BID: variants seen among roughly 807,000 people sequenced by gnomAD.
BID encodes BH3-interacting domain death agonist.
Under a neutral mutation model 17.4 loss-of-function variants are expected in BID, and 19 were observed. The observed-to-expected ratio is 1.09, with a 90% CI of 0.76 to 1.60. BID has a LOEUF of 1.60. Ranked by LOEUF, BID falls within the 40% of genes most tolerant of loss-of-function variation. The pLI is 0.00. For synonymous variants in BID, 108 were observed against 102.8 expected (o/e 1.05, Z -0.31); for missense variants, 226 against 256.0 (o/e 0.88, Z 0.80).
intron 1 of BID, among the ~76,000 whole-genome samples, chr22:17,762,222 C>T (rs1022264962): frequency 6.6e-6 from 1 of 152,100 alleles, no homozygotes; most frequent in Non-Finnish European, 1.5e-5. Context: ...GTTGGCCAGG[C>T]GAGGTGGCTC....
chr22:17,743,529 C>T (rs1421717414), intron 3 of BID, among the ~76,000 whole-genome samples: 1 of 152,204 alleles, frequency 6.6e-6, no homozygotes, highest in African/African-American at 2.4e-5. Context: ...TTGGTCCAGA[C>T]AAGGGACTCA....
chr22:17,741,989 G>A (rs967963135), intron 3 of BID, among the ~76,000 whole-genome samples: 13 of 152,266 alleles, frequency 8.5e-5, no homozygotes, highest in African/African-American at 2.9e-4. Flanking sequence ...GCTCGTTCCC[G>A]AAGCTTATCC....
At chr22:17,744,486 G>T (rs969358818) in intron 2 of BID, among the ~76,000 whole-genome samples, 5 of 152,226 alleles carry the variant, frequency 3.3e-5, no homozygotes, top group Non-Finnish European at 5.9e-5. Flanking sequence ...TCTCCTTCAC[G>T]GGCTCAGGAG....
chr22:17,752,810 T>C (rs1485761239), intron 1 of BID, among the ~76,000 whole-genome samples: 1 of 144,962 alleles, frequency 6.9e-6, no homozygotes, highest in Non-Finnish European at 1.5e-5. Context: ...GGACTACAGG[T>C]GCCCGCCACC....
At chr22:17,770,565 T>C (rs1006527543) in intron 1 of BID, among the ~76,000 whole-genome samples, 3 of 152,188 alleles carry the variant, frequency 2.0e-5, no homozygotes, top group Non-Finnish European at 4.4e-5. Flanking sequence ...GTTACACAAA[T>C]TAAACCAAAC....
intron 1 of BID, among the ~76,000 whole-genome samples, chr22:17,763,877 G>A (rs550349757): frequency 9.8e-4 from 146 of 148,322 alleles, no homozygotes; most frequent in Non-Finnish European, 1.7e-3. Flanking sequence ...TTTACAAGGT[G>A]AACATATATA....
intron 5 of BID, 122 bp downstream of exon 5, chr22:17,737,895 G>T: frequency 9.5e-7 from 1 of 1,054,966 alleles, no homozygotes; most frequent in Non-Finnish European, 1.4e-6. Context: ...CCAAACCCGA[G>T]CAGGACAGCC....
chr22:17,757,440 C>G (rs1186035019), intron 1 of BID, among the ~76,000 whole-genome samples: 1 of 142,366 alleles, frequency 7.0e-6, no homozygotes, highest in East Asian at 2.1e-4. Context: ...CAGGCGCAGT[C>G]GCTCATGCCT....
intron 5 of BID, 110 bp downstream of exon 5, chr22:17,737,907 G>A: frequency 8.5e-7 from 1 of 1,170,500 alleles, no homozygotes. Context: ...AGGACAGCCT[G>A]TAACCCTTGT....
rs140074113 is a variant in BID at position 17,746,209 on chromosome 22, G to T, written c.13-2196C>A. Among the ~76,000 whole-genome samples the T allele has an allele frequency of 4.1e-3, 629 of 151,846 alleles. 4 individuals carry two copies. Among genetic ancestry groups the T allele is most frequent in the African/African-American group, 0.015 (607 of 41,342 alleles). On this transcript the variant is annotated intron_variant, in intron 2 of 5. Transcript: ENST00000622694. ...CACGAAGATGGAGAGAGCAGGCACC[G>T]GGCACTTTACAGTAGGGAGGCGGGG...
At chr22:17,756,624 G>A (rs189387488) in intron 1 of BID, among the ~76,000 whole-genome samples, 29 of 146,470 alleles carry the variant, frequency 2.0e-4, no homozygotes, top group African/African-American at 6.3e-4. Flanking sequence ...TACCCAGGCC[G>A]GAGTGCAATG....
chr22:17,753,071 A>T (rs1014533140), intron 1 of BID, among the ~76,000 whole-genome samples: 3 of 138,658 alleles, frequency 2.2e-5, no homozygotes, highest in Non-Finnish European at 3.0e-5. Context: ...GGTTCACGCC[A>T]TTCTCCTGCC....
At chr22:17,772,435 A>G (rs968764598) in intron 1 of BID, among the ~76,000 whole-genome samples, 2 of 152,198 alleles carry the variant, frequency 1.3e-5, no homozygotes, top group African/African-American at 4.8e-5. Context: ...CAACGACAGG[A>G]AGCATTTCCA....
intron 3 of BID, chr22:17,739,886 A>T: frequency 1.5e-6 from 1 of 649,220 alleles, no homozygotes; most frequent in South Asian, 1.9e-5. Context: ...GGCAGACGGC[A>T]TCCCAGACCC....
intron 1 of BID, among the ~76,000 whole-genome samples, chr22:17,757,453 A>G (rs2061600272): frequency 6.7e-6 from 1 of 148,402 alleles, no homozygotes; most frequent in Admixed American, 6.8e-5. Flanking sequence ...TCATGCCTGT[A>G]ATCTCAGCAC....
chr22:17,750,777 G>A (rs1028530232), intron 1 of BID, among the ~76,000 whole-genome samples: 1 of 152,136 alleles, frequency 6.6e-6, no homozygotes, highest in Non-Finnish European at 1.5e-5. Flanking sequence ...GCAGTAAGCC[G>A]AGATCACGCC....
chr22:17,754,456 A>AG (rs1183095170), intron 1 of BID, among the ~76,000 whole-genome samples: 2 of 152,254 alleles, frequency 1.3e-5, no homozygotes, highest in African/African-American at 4.8e-5. Flanking sequence ...CTGCTGAGCC[A>AG]GGGGGCGCCA....
At chr22:17,756,451 CTTT>C (rs2061587811) in intron 1 of BID, among the ~76,000 whole-genome samples, 1 of 123,304 alleles carries the variant, frequency 8.1e-6, no homozygotes, top group African/African-American at 3.8e-5. Flanking sequence ...TTCTTTCTTT[CTTT>C]CTTTCTTTCT....
intron 2 of BID, among the ~76,000 whole-genome samples, chr22:17,747,965 C>CT (rs1601847916): frequency 6.6e-6 from 1 of 152,060 alleles, no homozygotes; most frequent in Admixed American, 6.5e-5. Flanking sequence ...AATCCCAGCA[C>CT]TATGGGAGGC....
Sources: gnomAD v4.1 joint callset for allele counts (sites outside exome capture counted in the v4.1 genomes callset) on GRCh38, gnomAD v4.1.1 for gene constraint, MANE v1.5 for transcripts, NCBI Gene and HGNC (gene_info 2026-07-23, HGNC 2026-07-21) for gene names.